ACTN1: variants seen among roughly 807,000 people sequenced by gnomAD.
ACTN1 encodes the protein alpha-actinin-1.
Under a neutral mutation model 119.6 loss-of-function variants are expected in ACTN1, and 30 were observed. That is an observed-to-expected ratio of 0.25 (90% CI 0.19 to 0.34). ACTN1 has a LOEUF of 0.34. Among genes scored for constraint, ACTN1 ranks in the 10% least tolerant of loss-of-function variants. The pLI is 1.00. For synonymous variants in ACTN1, 429 were observed against 472.6 expected, an observed-to-expected ratio of 0.91 and a Z score of 1.20; for missense variants, 764 against 1,223.4, an observed-to-expected ratio of 0.62 and a Z score of 5.60.
At chr14:68,920,466 T>G (rs769066433) in intron 3 of ACTN1, among the ~76,000 whole-genome samples, 4 of 152,240 alleles carry the variant, frequency 2.6e-5, no homozygotes, top group Admixed American at 6.5e-5. Context: ...TACCTTCTTT[T>G]AATCATTAAG....
chr14:68,918,528 C>T (rs989812792), intron 3 of ACTN1, among the ~76,000 whole-genome samples: 14 of 150,000 alleles, frequency 9.3e-5, no homozygotes, highest in Non-Finnish European at 1.8e-4. Flanking sequence ...GGACTTGCAG[C>T]GAGTCAAGAT....
intron 3 of ACTN1, among the ~76,000 whole-genome samples, chr14:68,920,015 C>T (rs1424543707): frequency 1.3e-5 from 2 of 152,200 alleles, no homozygotes; most frequent in African/African-American, 4.8e-5. Context: ...CTATGGACTT[C>T]CCAGGAGCAA....
chr14:68,884,928 T>A, intron 12 of ACTN1, 45 bp from the exon 13 acceptor site: 2 of 1,467,012 alleles, frequency 1.4e-6, no homozygotes, highest in Non-Finnish European at 1.9e-6. Context: ...CAGGTTAATT[T>A]CATGGCCCAT....
chr14:68,943,321 T>C (rs1361279875), intron 1 of ACTN1, among the ~76,000 whole-genome samples: 2 of 152,222 alleles, frequency 1.3e-5, no homozygotes, highest in Non-Finnish European at 2.9e-5. Flanking sequence ...CAAGCAGATC[T>C]GTCCACCTCT....
chr14:68,929,970 C>G (rs146007122), intron 1 of ACTN1, among the ~76,000 whole-genome samples: 1 of 152,378 alleles, frequency 6.6e-6, no homozygotes, highest in African/African-American at 2.4e-5. Flanking sequence ...AGCCATGGAG[C>G]TGGCCATGGA....
intron 1 of ACTN1, among the ~76,000 whole-genome samples, chr14:68,954,837 G>C (rs1387606964): frequency 1.3e-5 from 2 of 152,158 alleles, no homozygotes; most frequent in Admixed American, 6.5e-5. Flanking sequence ...CCTTGCCCTG[G>C]TCAGACTTTT....
Position 68,880,142 on chromosome 14 carries a change from G to A in ACTN1, c.2134-34C>T, listed in dbSNP as rs2031358594. On this transcript the variant is annotated intron_variant, in intron 17 of 21. Transcript: ENST00000394419. This position sits in a 1 kb window ranked among gnomAD's most constrained non-coding sequence, Gnocchi z 4.6. The stretch of plus-strand genomic sequence containing the variant: ...CGGCAAGGGGCCTGTCAGCAAAGGG[G>A]TCCCAGGCCTGGGCTCCTGGCGGCC... 2 of 1,606,208 alleles carry A rather than the reference G, an allele frequency of 1.2e-6. No homozygotes were observed. The highest frequency in any genetic ancestry group is 4.5e-5 in the East Asian group (2 of 44,732).
intron 1 of ACTN1, among the ~76,000 whole-genome samples, chr14:68,974,769 A>C (rs1339008296): frequency 6.6e-6 from 1 of 152,218 alleles, no homozygotes; most frequent in African/African-American, 2.4e-5. Context: ...CTGATACCTA[A>C]CAGGGGTTTA....
rs938281913 is a variant in ACTN1 at position 68,879,836 on chromosome 14, G to A, written c.2280+126C>T. On this transcript the variant is annotated intron_variant, in intron 18 of 21. Coordinates refer to ENST00000394419, the MANE Select transcript of ACTN1 (RefSeq NM_001130004.2). The surrounding 1 kb of genome is among the most constrained non-coding windows in gnomAD (Gnocchi z 4.9). The stretch of plus-strand genomic sequence containing the variant: ...AGGGTGCATTGAGTCAGGGCAGGCT[G>A]ACGGCAGTTTCCCCTTTCTCTCCCT... 35 of 1,371,816 alleles carry A rather than the reference G, an allele frequency of 2.6e-5. No homozygotes were observed. The African/African-American group carries it at 4.8e-4, about 19-fold the overall frequency. The allele number at this position is 1,371,816 out of a possible 1,614,324, so 85.0% of individuals were successfully genotyped here.
intron 8 of ACTN1, 141 bp downstream of exon 8, chr14:68,902,336 A>G: frequency 1.4e-6 from 1 of 709,772 alleles, no homozygotes. Context: ...ACGCCACTTC[A>G]GAACTAGGGA....
chr14:68,944,075 C>T (rs2035850715), intron 1 of ACTN1, among the ~76,000 whole-genome samples: 1 of 152,220 alleles, frequency 6.6e-6, no homozygotes, highest in South Asian at 2.1e-4. Flanking sequence ...ACAGGGCAGC[C>T]CAGGACACTT....
intron 6 of ACTN1, among the ~76,000 whole-genome samples, chr14:68,905,190 G>A (rs925678739): frequency 2.0e-5 from 3 of 152,130 alleles, no homozygotes; most frequent in African/African-American, 7.2e-5. Flanking sequence ...GTCAAGATTC[G>A]GAGCAGGAGC....
chr14:68,909,946 A>G lies in ACTN1; in HGVS notation c.515+9T>C. 6.2e-7 allele frequency: 1 copy of G among 1,613,078 alleles called. No homozygotes were observed. Among genetic ancestry groups the G allele is most frequent in the Non-Finnish European group, 8.5e-7 (1 of 1,179,182 alleles). On this transcript the variant is annotated intron_variant, in intron 5 of 21. Transcript: ENST00000394419. The surrounding 1 kb of genome is among the most constrained non-coding windows in gnomAD (Gnocchi z 4.1). Reference sequence around the variant, plus strand: ...GTTCTGTGAGAGCCCCTCAGACCCCAGCACTCACCTTATGTGGAAGTTCTG... The same window carrying G: ...GTTCTGTGAGAGCCCCTCAGACCCCGGCACTCACCTTATGTGGAAGTTCTG...
Position 68,876,470 on chromosome 14 carries a change from C to T in ACTN1, c.2586+612G>A, listed in dbSNP as rs145076468. On this transcript the variant is annotated intron_variant, in intron 21 of 21. Transcript: ENST00000394419. ...CTACAGATCCCCTCAGGTCCCTGGG[C>T]TGGAGATGGCTGTGGTTCTGGGTAA... 3.1e-3 allele frequency among the ~76,000 whole-genome samples: 466 copies of T among 151,898 alleles called. 1 individual carries two copies. Among genetic ancestry groups the T allele is most frequent in the African/African-American group, 0.011 (439 of 41,386 alleles).
Position 68,882,721 on chromosome 14 carries a change from G to A in ACTN1, c.1819-129C>T. 1 of 1,514,348 alleles carries A rather than the reference G, an allele frequency of 6.6e-7. No individual in the cohort carries two copies. The highest frequency in any genetic ancestry group is 1.2e-5 in the South Asian group (1 of 80,870). 93.8% of individuals were successfully genotyped at this position (1,514,348 alleles called of 1,614,324 possible). ...AGAACAGGAGTAAAGGTGTCAACCT[G>A]TTCTGGAAACCCAGTCATTTGACAT... On this transcript the variant is annotated intron_variant, in intron 15 of 21. Transcript: ENST00000394419. The surrounding 1 kb of genome is among the most constrained non-coding windows in gnomAD (Gnocchi z 4.5).
chr14:68,963,870 G>C (rs2036618347), intron 1 of ACTN1, among the ~76,000 whole-genome samples: 1 of 152,110 alleles, frequency 6.6e-6, no homozygotes, highest in Admixed American at 6.5e-5. Flanking sequence ...TGGGTATATG[G>C]GAAATCACTA....
intron 1 of ACTN1, among the ~76,000 whole-genome samples, chr14:68,937,265 G>A (rs1376103884): frequency 6.6e-6 from 1 of 152,034 alleles, no homozygotes; most frequent in Non-Finnish European, 1.5e-5. Context: ...AAGTCTGTCT[G>A]GGAATATATA....
At chr14:68,938,875 T>A (rs2140480281) in intron 1 of ACTN1, among the ~76,000 whole-genome samples, 1 of 152,254 alleles carries the variant, frequency 6.6e-6, no homozygotes, top group African/African-American at 2.4e-5. Flanking sequence ...GAGAGAACTC[T>A]GAGACGGGCC....
chr14:68,952,554 T>C (rs1202206987), intron 1 of ACTN1, among the ~76,000 whole-genome samples: 7 of 152,230 alleles, frequency 4.6e-5, no homozygotes, highest in Non-Finnish European at 1.0e-4. Flanking sequence ...ATATGTGCCC[T>C]GTCCCTGTGC....
Sources: allele counts gnomAD v4.1 joint callset (sites outside exome capture counted in the v4.1 genomes callset), GRCh38; gene constraint gnomAD v4.1.1; non-coding constraint Gnocchi (gnomAD v3.1); transcripts MANE v1.5; gene names NCBI Gene and HGNC (gene_info 2026-07-23, HGNC 2026-07-21).